The following NBAS variants were observed in gnomAD, a reference collection of about 807,000 sequenced individuals.
NBAS encodes the protein NBAS subunit of NRZ tethering complex.
NBAS carries 219 observed loss-of-function variants against 302.5 expected under a neutral mutation model. The observed-to-expected ratio is 0.72, with a 90% CI of 0.65 to 0.81. NBAS has a LOEUF of 0.81. Among genes scored for constraint, NBAS ranks in the 30% least tolerant of loss-of-function variants. NBAS has a pLI of 0.00. For synonymous variants in NBAS, 1,118 were observed against 1,021.6 expected (o/e 1.09, Z -1.80); for missense variants, 2,932 against 2,841.6 (o/e 1.03, Z -0.72).
chr2:15,055,863 A>G, the NBAS span, among the ~76,000 whole-genome samples: 3 of 152,254 alleles, frequency 2.0e-5, no homozygotes, highest in Middle Eastern at 3.2e-3. Context: ...ATGGTTTTCA[A>G]TATACAGCAG....
chr2:15,190,569 T>C (rs1301812109), intron 48 of NBAS, among the ~76,000 whole-genome samples, 166 bp from the exon 49 acceptor site: 1 of 152,222 alleles, frequency 6.6e-6, no homozygotes, highest in Non-Finnish European at 1.5e-5. Context: ...CCTTACTCAA[T>C]GTCAGATTAT....
chr2:14,925,121 G>A, the NBAS span, among the ~76,000 whole-genome samples: 384 of 152,242 alleles, frequency 2.5e-3, 3 homozygotes, highest in African/African-American at 8.8e-3. Context: ...AGGTCAGTTC[G>A]CAAACCCAGA....
At position 15,536,488 on chromosome 2, in the gene NBAS, C is replaced by T. The variant is rs924649154; in HGVS notation, c.577G>A (p.Ala193Thr). Residue 193 changes from alanine (A) to threonine (T), a missense_variant, in exon 8 of 52, where the codon GCA becomes ACA. Coordinates refer to ENST00000281513, the MANE Select transcript of NBAS (RefSeq NM_015909.4). ...IAGLIFLEYK[A>T]SAQWSAELLV... ...AGTTCTGCAGACCACTGTGCACTTG[C>T]TTTATATTCTAAAAATATCAACCCA... The T allele has an allele frequency of 4.3e-6, 7 of 1,613,066 alleles. No homozygotes were observed. The highest frequency in any genetic ancestry group is 4.2e-6 in the Non-Finnish European group (5 of 1,179,660).
intron 14 of NBAS, among the ~76,000 whole-genome samples, chr2:15,474,882 G>A (rs555582429): frequency 6.6e-6 from 1 of 152,078 alleles, no homozygotes; most frequent in Non-Finnish European, 1.5e-5. Flanking sequence ...TTAATAACAG[G>A]TCATTAATAC....
At chr2:15,167,398 C>A in intron 51 of NBAS, 75 bp from the exon 52 acceptor site, 1 of 1,552,598 alleles carries the variant, frequency 6.4e-7, no homozygotes, top group Middle Eastern at 1.9e-4. Context: ...CCTCGCTCTC[C>A]ACTGGGCTGC....
intron 25 of NBAS, among the ~76,000 whole-genome samples, chr2:15,409,881 T>G (rs1214856763): frequency 6.6e-6 from 1 of 152,216 alleles, no homozygotes; most frequent in East Asian, 1.9e-4. Context: ...AAGTGAGTCC[T>G]TCAGAGAGGT....
intron 29 of NBAS, 118 bp downstream of exon 29, chr2:15,383,097 G>C: frequency 1.2e-6 from 1 of 826,320 alleles, no homozygotes; most frequent in Non-Finnish European, 1.9e-6. Context: ...TCAGTTATTA[G>C]CTATTATTAA....
the NBAS span, among the ~76,000 whole-genome samples, chr2:15,148,961 T>G: frequency 6.6e-6 from 1 of 152,204 alleles, no homozygotes; most frequent in Non-Finnish European, 1.5e-5. Flanking sequence ...GTTAAGGTTT[T>G]TAATAGAGTG....
the NBAS span, among the ~76,000 whole-genome samples, chr2:14,790,097 T>G: frequency 6.6e-6 from 1 of 152,166 alleles, no homozygotes; most frequent in African/African-American, 2.4e-5. Flanking sequence ...GTAAAGGACT[T>G]GAGTCCAAGA....
At chr2:15,317,067 G>C (rs1671548855) in intron 38 of NBAS, among the ~76,000 whole-genome samples, 1 of 152,198 alleles carries the variant, frequency 6.6e-6, no homozygotes, top group African/African-American at 2.4e-5. Context: ...TGCAATATTT[G>C]CTGTTCTGCA....
chr2:15,262,273 A>G (rs1426069375), intron 44 of NBAS, among the ~76,000 whole-genome samples: 1 of 152,224 alleles, frequency 6.6e-6, no homozygotes, highest in African/African-American at 2.4e-5. Flanking sequence ...AACATGACAG[A>G]AAGTAGAGAA....
rs556921359 is a variant in NBAS at position 15,255,006 on chromosome 2, G to A, written c.5725-16320C>T. Among the ~76,000 whole-genome samples, 10 of 152,186 alleles carry A rather than the reference G, an allele frequency of 6.6e-5. No individual in the cohort carries two copies. The South Asian group carries it at 2.1e-3, about 32-fold the overall frequency. The stretch of plus-strand genomic sequence containing the variant: ...GCTGGTTCCATACTTTTGCAATTGC[G>A]AATTGTGCTGCTATAAATATGCATG... On this transcript the variant is annotated intron_variant, in intron 44 of 51. Coordinates refer to ENST00000281513, the MANE Select transcript of NBAS (RefSeq NM_015909.4).
At chr2:15,030,991 C>T in the NBAS span, among the ~76,000 whole-genome samples, 2 of 152,204 alleles carry the variant, frequency 1.3e-5, no homozygotes, top group African/African-American at 4.8e-5. Context: ...CCTTTGTCCC[C>T]GGCACTGCCT....
At chr2:15,314,803 T>G (rs1185743686) in intron 38 of NBAS, among the ~76,000 whole-genome samples, 1 of 152,226 alleles carries the variant, frequency 6.6e-6, no homozygotes, top group African/African-American at 2.4e-5. Flanking sequence ...GGAGCGTGGA[T>G]GTACAGTTTT....
chr2:15,497,379 A>T (rs1681109781), intron 11 of NBAS, among the ~76,000 whole-genome samples: 1 of 152,200 alleles, frequency 6.6e-6, no homozygotes, highest in Non-Finnish European at 1.5e-5. Flanking sequence ...ACACAAGAAA[A>T]AAGAAGTAGA....
At chr2:14,786,476 G>A in the NBAS span, among the ~76,000 whole-genome samples, 29 of 151,976 alleles carry the variant, frequency 1.9e-4, no homozygotes, top group East Asian at 1.7e-3. Context: ...TAAATTTCCC[G>A]CTACACACTG....
chr2:15,508,712 G>A, intron 10 of NBAS, among the ~76,000 whole-genome samples: 1 of 151,978 alleles, frequency 6.6e-6, no homozygotes, highest in East Asian at 1.9e-4. Flanking sequence ...TGAAAGCAAG[G>A]TGCAGACTTG....
chr2:14,998,882 C>A, the NBAS span, among the ~76,000 whole-genome samples: 1 of 152,192 alleles, frequency 6.6e-6, no homozygotes, highest in Non-Finnish European at 1.5e-5. Context: ...AATGAGCAGG[C>A]TGAATTTCTC....
the NBAS span, among the ~76,000 whole-genome samples, chr2:14,849,386 A>AAT: frequency 4.0e-5 from 6 of 150,746 alleles, no homozygotes; most frequent in Admixed American, 3.3e-4. Flanking sequence ...GAGAAAAAAG[A>AAT]ATAAAAAGAA....
Sources: allele counts gnomAD v4.1 joint callset (sites outside exome capture counted in the v4.1 genomes callset), GRCh38; gene constraint gnomAD v4.1.1; transcripts MANE v1.5; gene names NCBI Gene and HGNC (gene_info 2026-07-23, HGNC 2026-07-21).